COG2: variants seen among roughly 807,000 people sequenced by gnomAD.
COG2 encodes the protein conserved oligomeric Golgi complex subunit 2.
A neutral mutation model predicts 90.6 loss-of-function variants in COG2; 52 were observed. The ratio of observed to expected loss-of-function variants is 0.57; its 90% CI spans 0.46 to 0.72. The LOEUF is 0.72. Among genes scored for constraint, COG2 ranks in the 30% least tolerant of loss-of-function variants. The pLI is 0.00. For missense variants in COG2, 829 were observed against 891.2 expected, an observed-to-expected ratio of 0.93 and a Z score of 0.89; for synonymous variants, 337 against 320.4, an observed-to-expected ratio of 1.05 and a Z score of -0.55.
chr1:230,672,398 T>C (rs1363550688), intron 8 of COG2, among the ~76,000 whole-genome samples: 1 of 152,218 alleles, frequency 6.6e-6, no homozygotes, highest in East Asian at 1.9e-4. Flanking sequence ...CACACAGTGC[T>C]AGCTGCCTTT....
In COG2 at chr1:230,690,211, C is replaced by T. The variant is rs1480738072; in HGVS notation, c.1934+58C>T. On this transcript the variant is annotated intron_variant, in intron 16 of 17. Coordinates refer to ENST00000366669, the MANE Select transcript of COG2 (RefSeq NM_007357.3). Reference sequence around the variant, plus strand: ...TGCTTAGAAGAGTCTGCGGCAGAAACCCCCAAGGCAATCAAGCACTGCGTA... The same window carrying T: ...TGCTTAGAAGAGTCTGCGGCAGAAATCCCCAAGGCAATCAAGCACTGCGTA... 4.0e-6 allele frequency: 6 copies of T among 1,497,540 alleles called. No individual in the cohort carries two copies. In the African/African-American group the frequency reaches 6.9e-5, roughly 17 times the overall value. The allele number at this position is 1,497,540 out of a possible 1,614,324, so 92.8% of individuals were successfully genotyped here. A position where few individuals can be genotyped will look rare whatever the true frequency, so the allele number is the denominator to read the frequency against.
chr1:230,671,771 T>C, intron 8 of COG2, 131 bp downstream of exon 8: 1 of 827,100 alleles, frequency 1.2e-6, no homozygotes, highest in Non-Finnish European at 1.9e-6. Context: ...ATCTTGTTAT[T>C]TCATTGTTTC....
intron 8 of COG2, 123 bp downstream of exon 8, chr1:230,671,763 CTTG>C: frequency 2.3e-6 from 2 of 868,800 alleles, no homozygotes; most frequent in Non-Finnish European, 3.5e-6. Context: ...CATTATGAAT[CTTG>C]TTATTTCATT....
At chr1:230,686,040 G>A (rs1328997307) in intron 12 of COG2, among the ~76,000 whole-genome samples, 1 of 152,214 alleles carries the variant, frequency 6.6e-6, no homozygotes, top group Admixed American at 6.5e-5. Context: ...TATTTTAATG[G>A]AAAGAGTGTC....
intron 1 of COG2, among the ~76,000 whole-genome samples, chr1:230,646,503 A>G (rs1446567948): frequency 6.6e-6 from 1 of 152,128 alleles, no homozygotes; most frequent in Non-Finnish European, 1.5e-5. Context: ...TCCTTTTCAC[A>G]TGCTGTGCAC....
chr1:230,659,664 A>G (rs376579863), intron 2 of COG2, 39 bp downstream of exon 2: 41 of 1,585,956 alleles, frequency 2.6e-5, no homozygotes, highest in South Asian at 2.2e-4. Flanking sequence ...CATACATACA[A>G]TTTCTTTCTC....
At chr1:230,686,384 T>C (rs1316800979) in intron 12 of COG2, among the ~76,000 whole-genome samples, 1 of 152,236 alleles carries the variant, frequency 6.6e-6, no homozygotes, top group Non-Finnish European at 1.5e-5. Flanking sequence ...AGCCAGGAAT[T>C]CTCCGTTTAT....
chr1:230,649,872 TC>T (rs1661871385), intron 1 of COG2, among the ~76,000 whole-genome samples: 1 of 152,192 alleles, frequency 6.6e-6, no homozygotes, highest in African/African-American at 2.4e-5. Flanking sequence ...CTCATCTTCC[TC>T]CAGCACTTCC....
rs140969110 is a variant in COG2 at position 230,693,282 on chromosome 1, G to A, written c.2116-10G>A. 2.7e-5 allele frequency: 42 copies of A among 1,550,294 alleles called. No individual in the cohort carries two copies. In the East Asian group the frequency reaches 8.3e-4, roughly 31 times the overall value. ...TGCAGTAACATAATTCATTCTCATG[G>A]CCTTTGCAGATACAAAAGTTGGGAC... On this transcript the variant is annotated splice_polypyrimidine_tract_variant and intron_variant, in intron 17 of 17. Coordinates refer to ENST00000366669, the MANE Select transcript of COG2 (RefSeq NM_007357.3).
intron 1 of COG2, among the ~76,000 whole-genome samples, chr1:230,648,241 C>G (rs1048850269): frequency 3.3e-5 from 5 of 152,236 alleles, no homozygotes; most frequent in African/African-American, 4.8e-5. Context: ...GATCTGGACT[C>G]TTGGCCTGTA....
In COG2 at chr1:230,664,685, C is replaced by T. The variant is rs992604472; in HGVS notation, c.485+98C>T. The T allele has an allele frequency of 2.1e-5, 12 of 573,266 alleles. No individual in the cohort carries two copies. The East Asian group carries it at 3.7e-4, about 18-fold the overall frequency. The allele number at this position is 573,266 out of a possible 1,614,324, so 35.5% of individuals were successfully genotyped here. On this transcript the variant is annotated intron_variant, in intron 5 of 17. Transcript: ENST00000366669. ...TCATTTCTGATAAAGAAGAAAATCCCAGTCTATGGCTTAGTGTTTTTAAAT... is the reference window on the plus strand; with the variant it reads ...TCATTTCTGATAAAGAAGAAAATCCTAGTCTATGGCTTAGTGTTTTTAAAT...
Position 230,685,198 on chromosome 1 carries a change from C to G in COG2, c.1342C>G (p.Leu448Val). The change falls in exon 12 of 18, where the codon CTG becomes GTG. Residue 448 changes from leucine to valine, a missense_variant. By Grantham distance (32) the Leu-to-Val change is conservative (BLOSUM62 1). Transcript: ENST00000366669. ...GGTGCATCGCCTGTGGAGACTCACT[C>G]TGCAGATTTTGGCACGATACTCTGT... ...LLVHRLWRLT[L>V]QILARYSVFV... The G allele has an allele frequency of 1.2e-6, 2 of 1,614,170 alleles. No individual in the cohort carries two copies. Among genetic ancestry groups the G allele is most frequent in the East Asian group, 4.5e-5 (2 of 44,882 alleles).
intron 3 of COG2, 53 bp downstream of exon 3, chr1:230,660,876 T>G: frequency 8.0e-7 from 1 of 1,243,482 alleles, no homozygotes. Flanking sequence ...GATATGCTTG[T>G]TTGCCCTTCC....
chr1:230,691,183 A>G (rs952274956), intron 16 of COG2, among the ~76,000 whole-genome samples: 8 of 152,092 alleles, frequency 5.3e-5, no homozygotes, highest in Non-Finnish European at 1.2e-4. Flanking sequence ...GTGTATATAT[A>G]TATACGTATA....
intron 11 of COG2, 42 bp from the exon 12 acceptor site, chr1:230,685,043 C>T (rs202019264): frequency 6.2e-7 from 1 of 1,608,368 alleles, no homozygotes; most frequent in East Asian, 2.2e-5. Context: ...CTAAAATTGC[C>T]TGAAATTCCT....
At chr1:230,667,080 C>T (rs1382510657) in intron 5 of COG2, among the ~76,000 whole-genome samples, 1 of 152,184 alleles carries the variant, frequency 6.6e-6, no homozygotes, top group South Asian at 2.1e-4. Flanking sequence ...GGGTCATCCC[C>T]TAGACAACTT....
chr1:230,666,616 T>G (rs1457881406), intron 5 of COG2, among the ~76,000 whole-genome samples: 1 of 152,206 alleles, frequency 6.6e-6, no homozygotes, highest in Non-Finnish European at 1.5e-5. Flanking sequence ...CTAAAGCTAT[T>G]CAGAACTACT....
intron 9 of COG2, among the ~76,000 whole-genome samples, chr1:230,676,659 TTGAATCATTCTTC>T (rs1213958261): frequency 6.6e-6 from 1 of 152,230 alleles, no homozygotes; most frequent in African/African-American, 2.4e-5. Context: ...CTCATCCTTC[TTGAATCATTCTTC>T]TGAAATTCAT....
At position 230,642,585 on chromosome 1, in the gene COG2, C is replaced by A. The variant is rs752546135; in HGVS notation, c.-22C>A. 6.2e-7 allele frequency: 1 copy of A among 1,607,450 alleles called. No homozygotes were observed. Among genetic ancestry groups the A allele is most frequent in the Admixed American group, 1.7e-5 (1 of 59,276 alleles). ...GCGTTTTCTCGCTTGGATCTTGGCACTGAGAGGCGGTGGCCGGCGGGATGG... is the reference window on the plus strand; with the variant it reads ...GCGTTTTCTCGCTTGGATCTTGGCAATGAGAGGCGGTGGCCGGCGGGATGG... On this transcript the variant is annotated 5_prime_UTR_variant, in exon 1 of 18. It adds an upstream start codon to the 5' untranslated region. Transcript: ENST00000366669.
Sources: gnomAD v4.1 joint callset for allele counts (sites outside exome capture counted in the v4.1 genomes callset) on GRCh38, gnomAD v4.1.1 for gene constraint, MANE v1.5 for transcripts, NCBI Gene and HGNC (gene_info 2026-07-23, HGNC 2026-07-21) for gene names.